UBE3C: variants seen among roughly 807,000 people sequenced by gnomAD.
UBE3C encodes ubiquitin protein ligase E3C.
UBE3C carries 42 observed loss-of-function variants against 129.4 expected under a neutral mutation model. That is an observed-to-expected ratio of 0.32 (90% confidence interval 0.25 to 0.42). The LOEUF (loss-of-function observed/expected upper bound fraction) is 0.42. Ranked by LOEUF, UBE3C falls within the 10% of genes least tolerant of loss-of-function variation. The pLI is 1.00. For missense variants in UBE3C, 1,049 were observed against 1,319.1 expected (o/e 0.80, Z 3.17); for synonymous variants, 510 against 492.4 (o/e 1.04, Z -0.47).
At chr7:157,196,788 G>GA (rs1809131767) in intron 10 of UBE3C, among the ~76,000 whole-genome samples, 1 of 152,154 alleles carries the variant, frequency 6.6e-6, no homozygotes, top group South Asian at 2.1e-4. Flanking sequence ...GACCAACAAG[G>GA]AGAAACCCCG....
At position 157,217,824 on chromosome 7, in the gene UBE3C, C is replaced by G. The variant is rs146587249; in HGVS notation, c.1914+853C>G. On this transcript the variant is annotated intron_variant, in intron 14 of 22. Transcript: ENST00000348165. ...TGCACTCCAGCCTGGGTGATAAGAG[C>G]GAAATTCCGTCTCAAAAAAAGAAAG... 2.9e-4 allele frequency among the ~76,000 whole-genome samples: 44 copies of G among 151,132 alleles called. 1 individual carries two copies. In the South Asian group the frequency reaches 5.7e-3, roughly 20 times the overall value.
intron 18 of UBE3C, 88 bp downstream of exon 18, chr7:157,231,415 T>G: frequency 6.5e-7 from 1 of 1,536,602 alleles, no homozygotes; most frequent in Non-Finnish European, 8.7e-7. Context: ...AGGTTTACCA[T>G]AAAATACTGT....
In UBE3C at chr7:157,182,213, C is replaced by G. The variant is rs1194753958; in HGVS notation, c.876C>G (p.Phe292Leu). 12 of 1,614,134 alleles carry G rather than the reference C, an allele frequency of 7.4e-6. No individual in the cohort carries two copies. The highest frequency in any genetic ancestry group is 1.0e-5 in the Non-Finnish European group (12 of 1,179,998). Residue 292 changes from phenylalanine to leucine, a missense_variant, in exon 8 of 23, where the codon TTC becomes TTG. Coordinates refer to ENST00000348165, the MANE Select transcript of UBE3C (RefSeq NM_014671.3). ...CGCTTGCAGATGCGCAGACCGTTTT[C>G]CCTTACGAGCCCTTTCTGAATGCAC... ...IPALADAQTVFPYEPFLNALL... is the reference protein window; with the variant it reads ...IPALADAQTVLPYEPFLNALL...
At chr7:157,146,674 TTGAG>T (rs1426185127) in intron 1 of UBE3C, among the ~76,000 whole-genome samples, 1 of 150,970 alleles carries the variant, frequency 6.6e-6, no homozygotes, top group Non-Finnish European at 1.5e-5. Flanking sequence ...TTTTTTTAAT[TTGAG>T]AGGGAGCCTC....
At chr7:157,210,214 G>T (rs985205402) in intron 13 of UBE3C, among the ~76,000 whole-genome samples, 43 of 152,064 alleles carry the variant, frequency 2.8e-4, no homozygotes, top group Non-Finnish European at 4.6e-4. Context: ...TTTTTTGTTG[G>T]TGGTGGTGAT....
intron 2 of UBE3C, among the ~76,000 whole-genome samples, chr7:157,168,812 T>G (rs1808288356): frequency 6.6e-6 from 1 of 152,180 alleles, no homozygotes; most frequent in East Asian, 1.9e-4. Context: ...GGGGGGTGAC[T>G]GCGAATGGAG....
chr7:157,251,524 C>T (rs1461454930), intron 19 of UBE3C, among the ~76,000 whole-genome samples: 1 of 152,154 alleles, frequency 6.6e-6, no homozygotes, highest in African/African-American at 2.4e-5. Context: ...CACAAGACCC[C>T]TTCCTCATCT....
intron 18 of UBE3C, among the ~76,000 whole-genome samples, chr7:157,241,851 C>T (rs923418415): frequency 1.3e-5 from 2 of 152,168 alleles, no homozygotes; most frequent in African/African-American, 4.8e-5. Context: ...AAAGCACTGA[C>T]ACATGGCACA....
intron 1 of UBE3C, among the ~76,000 whole-genome samples, chr7:157,146,784 A>T (rs1031158448): frequency 6.6e-6 from 1 of 152,052 alleles, no homozygotes; most frequent in Non-Finnish European, 1.5e-5. Context: ...CATCCTGAGT[A>T]GCTGGGTGGG....
At chr7:157,139,386 CG>C in intron 1 of UBE3C, 48 bp downstream of exon 1, 4 of 1,506,878 alleles carry the variant, frequency 2.7e-6, no homozygotes, top group South Asian at 1.2e-5. Flanking sequence ...CCTGCGCGGC[CG>C]GGGCTCGGGG....
intron 18 of UBE3C, among the ~76,000 whole-genome samples, chr7:157,247,584 G>A (rs979368448): frequency 6.6e-6 from 1 of 152,068 alleles, no homozygotes; most frequent in African/African-American, 2.4e-5. Context: ...CCCAGCTACT[G>A]GGGAGGCTGA....
intron 10 of UBE3C, chr7:157,189,223 C>T (rs904928617): frequency 5.7e-6 from 2 of 353,140 alleles, no homozygotes; most frequent in Non-Finnish European, 1.0e-5. Flanking sequence ...ATTTTTATAT[C>T]ACTTTTAAGT....
At chr7:157,244,731 A>G (rs1796433054) in intron 18 of UBE3C, among the ~76,000 whole-genome samples, 1 of 152,244 alleles carries the variant, frequency 6.6e-6, no homozygotes, top group South Asian at 2.1e-4. Flanking sequence ...CACTTATATT[A>G]AAAGGCTTCT....
intron 1 of UBE3C, among the ~76,000 whole-genome samples, 168 bp downstream of exon 1, chr7:157,139,506 C>T (rs1382363914): frequency 6.7e-6 from 1 of 150,156 alleles, no homozygotes; most frequent in Non-Finnish European, 1.5e-5. Flanking sequence ...CTCGGGGCCG[C>T]TCCGGCCGGG....
At chr7:157,188,879 TTAA>T in intron 10 of UBE3C, 1 of 524,260 alleles carries the variant, frequency 1.9e-6, no homozygotes. Context: ...CCCTCACTGA[TTAA>T]TATTAGTCCC....
rs10231648 is a variant in UBE3C, at chr7:157,166,941, G to T, written c.121-2107G>T. Among the ~76,000 whole-genome samples the T allele has an allele frequency of 9.2e-3, 1,377 of 149,820 alleles. 37 individuals are homozygous for T. Among genetic ancestry groups the T allele is most frequent in the South Asian group, 0.045 (213 of 4,686 alleles). ...TGGTGGTGGTGGTGGTGGTGGTGGT[G>T]GTTTTTGAGACAAAGTCTTGCTCTG... is the stretch of plus-strand genomic sequence containing the variant. On this transcript the variant is annotated intron_variant, in intron 2 of 22. Transcript: ENST00000348165.
chr7:157,167,650 G>A (rs1008231977), intron 2 of UBE3C, among the ~76,000 whole-genome samples: 2 of 151,626 alleles, frequency 1.3e-5, no homozygotes, highest in Non-Finnish European at 2.9e-5. Context: ...CCATTCTCCT[G>A]CCTCTGCCTC....
At chr7:157,166,912 TTGG>T (rs745770395) in intron 2 of UBE3C, among the ~76,000 whole-genome samples, 2 of 126,550 alleles carry the variant, frequency 1.6e-5, no homozygotes, top group South Asian at 2.4e-4. Flanking sequence ...CTTTTTCCTG[TTGG>T]TGGTGGTGGT....
intron 6 of UBE3C, among the ~76,000 whole-genome samples, chr7:157,179,048 TTCAGAAACATGCTACTC>T (rs1808599426): frequency 6.6e-6 from 1 of 151,780 alleles, no homozygotes. Context: ...ACTCTGAAAA[TTCAGAAACATGCTACTC>T]TCTTTGCCTT....
Sources: allele counts gnomAD v4.1 joint callset (sites outside exome capture counted in the v4.1 genomes callset), GRCh38; gene constraint gnomAD v4.1.1; transcripts MANE v1.5; gene names NCBI Gene and HGNC (gene_info 2026-07-23, HGNC 2026-07-21).